Variants in NHEJ1 observed in about 807,000 individuals in gnomAD.
NHEJ1 encodes the protein non-homologous end joining factor 1, also known as non-homologous end-joining factor 1.
In NHEJ1, 22 loss-of-function variants were observed where a neutral mutation model predicts 39.4. That is an observed-to-expected ratio of 0.56 (90% CI 0.40 to 0.80). NHEJ1 has a LOEUF of 0.80. Among genes scored for constraint, NHEJ1 ranks in the 30% least tolerant of loss-of-function variants. The probability of loss-of-function intolerance (pLI) is 0.00; values close to 1 mark genes in which losing one functional copy is unlikely to be tolerated. For synonymous variants in NHEJ1, 154 were observed against 135.6 expected, an observed-to-expected ratio of 1.14 and a Z score of -0.94; for missense variants, 329 against 357.1, an observed-to-expected ratio of 0.92 and a Z score of 0.63.
At chr2:219,122,821 G>C (rs555105019) in intron 5 of NHEJ1, among the ~76,000 whole-genome samples, 1 of 152,250 alleles carries the variant, frequency 6.6e-6, no homozygotes, top group East Asian at 1.9e-4. Context: ...TGTGGCTTTC[G>C]GGAACAGCAG....
intron 5 of NHEJ1, among the ~76,000 whole-genome samples, chr2:219,136,268 T>C (rs535788355): frequency 2.0e-5 from 3 of 150,370 alleles, no homozygotes; most frequent in East Asian, 3.9e-4. Context: ...TTTCTCATAA[T>C]GTATTCCCAC....
Position 219,136,286 on chromosome 2 carries a change from C to CT in NHEJ1, c.588+10393dup, listed in dbSNP as rs36102678. Among the ~76,000 whole-genome samples the CT allele has an allele frequency of 1.5e-3, 188 of 125,836 alleles. 1 individual carries two copies. The highest frequency in any genetic ancestry group is 3.8e-3 in the East Asian group (17 of 4,440). The allele number at this position is 125,836 out of a possible 152,430, so 82.6% of individuals were successfully genotyped here. Reference sequence around the variant, plus strand: ...CTCATAATGTATTCCCACTTGGTTTCTTTTTTTTTTTTTTTTTTTAGAGAC... The same window carrying CT: ...CTCATAATGTATTCCCACTTGGTTTCTTTTTTTTTTTTTTTTTTTTAGAGAC... On this transcript the variant is annotated intron_variant, in intron 5 of 7. Transcript: ENST00000356853.
Position 219,074,377 on chromosome 2 carries a change from G to A in NHEJ1, c.*2004C>T, listed in dbSNP as rs1423872973. On this transcript the variant is annotated 3_prime_UTR_variant, in exon 8 of 8. Transcript: ENST00000356853. ...AAGAACCGGTATTTTCTCCAAGCTT[G>A]CAGGGGAAGCCTTTCCATTTTCCAT... 6.6e-6 allele frequency among the ~76,000 whole-genome samples: 1 copy of A among 152,190 alleles called. No individual in the cohort carries two copies. The highest frequency in any genetic ancestry group is 1.9e-4 in the East Asian group (1 of 5,202).
At chr2:219,108,450 T>A (rs918347518) in intron 5 of NHEJ1, among the ~76,000 whole-genome samples, 7 of 152,216 alleles carry the variant, frequency 4.6e-5, no homozygotes, top group African/African-American at 1.7e-4. Context: ...TAAGCACCCT[T>A]GGATTCATGT....
chr2:219,150,631 G>A (rs1949786105), intron 3 of NHEJ1, among the ~76,000 whole-genome samples: 1 of 152,084 alleles, frequency 6.6e-6, no homozygotes, highest in Non-Finnish European at 1.5e-5. Context: ...ACCAGCCTGG[G>A]CAACATGGTG....
At chr2:219,140,017 C>T (rs1424547424) in intron 5 of NHEJ1, among the ~76,000 whole-genome samples, 1 of 152,208 alleles carries the variant, frequency 6.6e-6, no homozygotes, top group Non-Finnish European at 1.5e-5. Context: ...CAATTTGTTA[C>T]ACAGCAATGG....
At chr2:219,132,902 G>C (rs149108587) in intron 5 of NHEJ1, among the ~76,000 whole-genome samples, 172 of 152,208 alleles carry the variant, frequency 1.1e-3, no homozygotes, top group African/African-American at 3.8e-3. Context: ...TCTATCAAAA[G>C]TCCATTTTTT....
chr2:219,081,306 C>T (rs941588743), intron 5 of NHEJ1, among the ~76,000 whole-genome samples: 19 of 152,076 alleles, frequency 1.2e-4, no homozygotes, highest in African/African-American at 4.6e-4. Flanking sequence ...TAGTGGCTAC[C>T]TGGGGCAGGC....
Position 219,146,667 on chromosome 2 carries a change from AC to A in NHEJ1, c.588+12del. ...TAGGGCAAAGACACACAAGAAAATGACAAATACCTTACCTCTATCATAAATT... is the reference window on the plus strand; with the variant it reads ...TAGGGCAAAGACACACAAGAAAATGAAAATACCTTACCTCTATCATAAATT... On this transcript the variant is annotated intron_variant, in intron 5 of 7. Coordinates refer to ENST00000356853, the MANE Select transcript of NHEJ1 (RefSeq NM_024782.3). 1 of 1,603,458 alleles carries A rather than the reference AC, an allele frequency of 6.2e-7. No homozygotes were observed. Among genetic ancestry groups the A allele is most frequent in the South Asian group, 1.1e-5 (1 of 90,878 alleles).
At chr2:219,153,696 G>GA (rs986855670) in intron 3 of NHEJ1, among the ~76,000 whole-genome samples, 2 of 128,590 alleles carry the variant, frequency 1.6e-5, no homozygotes, top group Non-Finnish European at 3.5e-5. Flanking sequence ...AAGAAAAGGG[G>GA]GGGGGGGTGG....
intron 5 of NHEJ1, among the ~76,000 whole-genome samples, chr2:219,083,456 GA>G (rs1414194697): frequency 8.7e-6 from 1 of 114,906 alleles, no homozygotes; most frequent in Non-Finnish European, 1.8e-5. Context: ...TCAGGAATTA[GA>G]AAAAAAATTA....
intron 5 of NHEJ1, among the ~76,000 whole-genome samples, chr2:219,102,020 A>G (rs116000912): frequency 0.025 from 3,739 of 152,242 alleles, 158 homozygotes; most frequent in African/African-American, 0.084. Flanking sequence ...CACCGCACCC[A>G]GCCCTCATTC....
intron 5 of NHEJ1, among the ~76,000 whole-genome samples, chr2:219,138,524 T>C (rs1949660024): frequency 6.6e-6 from 1 of 152,244 alleles, no homozygotes; most frequent in African/African-American, 2.4e-5. Flanking sequence ...TCTTCTTCTA[T>C]TCAACAAACA....
chr2:219,104,216 G>A (rs987884363), intron 5 of NHEJ1, among the ~76,000 whole-genome samples: 1 of 152,154 alleles, frequency 6.6e-6, no homozygotes. Flanking sequence ...ACAACCTGCA[G>A]GGCCAAACAT....
intron 5 of NHEJ1, among the ~76,000 whole-genome samples, chr2:219,126,320 G>A (rs1317535146): frequency 6.6e-6 from 1 of 152,214 alleles, no homozygotes; most frequent in Non-Finnish European, 1.5e-5. Context: ...TATTACTTGT[G>A]CAACTCGAGG....
At chr2:219,079,838 C>T (rs557628459) in intron 5 of NHEJ1, among the ~76,000 whole-genome samples, 102 of 152,260 alleles carry the variant, frequency 6.7e-4, no homozygotes, top group African/African-American at 2.2e-3. Context: ...AGCTGCCCTC[C>T]TTCCTTATAT....
intron 5 of NHEJ1, among the ~76,000 whole-genome samples, chr2:219,109,130 G>GC (rs149270550): frequency 0.013 from 1,952 of 152,192 alleles, 44 homozygotes; most frequent in African/African-American, 0.044. Flanking sequence ...AGAACAACAA[G>GC]CCCCCAACCC....
At chr2:219,120,991 G>A (rs941994273) in intron 5 of NHEJ1, among the ~76,000 whole-genome samples, 1 of 152,140 alleles carries the variant, frequency 6.6e-6, no homozygotes, top group African/African-American at 2.4e-5. Context: ...GAGGTCAGGA[G>A]TTCAAGACCA....
chr2:219,156,671 C>A lies in NHEJ1; in HGVS notation c.390+801G>T, dbSNP rs543352717. ...CTGATGGCTTTGGACAAGTTATTTT[C>A]AATCTCAGTATTCTACTCTGAAAAA... On this transcript the variant is annotated intron_variant, in intron 3 of 7. Coordinates refer to ENST00000356853, the MANE Select transcript of NHEJ1 (RefSeq NM_024782.3). 3.5e-4 allele frequency among the ~76,000 whole-genome samples: 54 copies of A among 152,316 alleles called. 1 individual carries two copies. In the South Asian group the frequency reaches 0.011, roughly 30 times the overall value.
Sources: allele counts gnomAD v4.1 joint callset (sites outside exome capture counted in the v4.1 genomes callset), GRCh38; gene constraint gnomAD v4.1.1; transcripts MANE v1.5; gene names NCBI Gene and HGNC (gene_info 2026-07-23, HGNC 2026-07-21).